The following SLC36A1 variants were observed in gnomAD, a reference collection of about 807,000 sequenced individuals.
The protein encoded by SLC36A1 is solute carrier family 36 member 1, also known as proton-coupled amino acid transporter 1.
Under a neutral mutation model 47.5 loss-of-function variants are expected in SLC36A1, and 30 were observed. The ratio of observed to expected loss-of-function variants is 0.63; its 90% CI spans 0.47 to 0.86. The LOEUF (loss-of-function observed/expected upper bound fraction) is 0.86, where lower values mean the gene tolerates loss of function less well. Ranked by LOEUF, SLC36A1 falls within the 40% of genes least tolerant of loss-of-function variation. SLC36A1 has a pLI of 0.00. For missense variants in SLC36A1, 517 were observed against 606.0 expected (o/e 0.85, Z 1.54); for synonymous variants, 255 against 249.7 (o/e 1.02, Z -0.20).
chr5:151,468,269 A>ATATATATATATATATATATATATTT (rs1756810591), intron 7 of SLC36A1, among the ~76,000 whole-genome samples: 3 of 81,628 alleles, frequency 3.7e-5, no homozygotes, highest in Non-Finnish European at 6.6e-5. Context: ...AAAAAAAAAT[A>ATATATATATATATATATATATATTT]TATATATATA....
chr5:151,399,640 T>G, the SLC36A1 span, among the ~76,000 whole-genome samples: 1 of 152,196 alleles, frequency 6.6e-6, no homozygotes, highest in Non-Finnish European at 1.5e-5. Context: ...AATTAAATAG[T>G]AATTTTAAAT....
the SLC36A1 span, chr5:151,534,313 C>A: frequency 1.1e-6 from 1 of 929,066 alleles, no homozygotes; most frequent in Non-Finnish European, 1.6e-6. Context: ...GAGGCACCGC[C>A]CTTACCAGTC....
chr5:151,510,050 A>G, the SLC36A1 span: 1 of 1,614,124 alleles, frequency 6.2e-7, no homozygotes, highest in South Asian at 1.1e-5. Flanking sequence ...GAGGGCAGTT[A>G]CAGGAAGCTC....
At chr5:151,546,523 G>A in the SLC36A1 span, among the ~76,000 whole-genome samples, 52 of 152,172 alleles carry the variant, frequency 3.4e-4, no homozygotes, top group Middle Eastern at 3.2e-3. Context: ...GGTGTGCATA[G>A]TAGGTGCTTC....
At chr5:151,492,950 A>G (rs7713901), downstream of SLC36A1, among the ~76,000 whole-genome samples, 14,949 of 152,172 alleles carry the variant, frequency 0.098, 2,411 homozygotes, top group African/African-American at 0.34. Context: ...TCATACGGTC[A>G]TGGGAGCCAG....
At chr5:151,421,880 G>T in the SLC36A1 span, among the ~76,000 whole-genome samples, 3 of 152,238 alleles carry the variant, frequency 2.0e-5, no homozygotes, top group Middle Eastern at 6.8e-3. Context: ...GTGAGCCACC[G>T]CGCCCGGCTG....
chr5:151,485,940 C>T (rs1581224515), intron 10 of SLC36A1, among the ~76,000 whole-genome samples: 1 of 152,136 alleles, frequency 6.6e-6, no homozygotes, highest in African/African-American at 2.4e-5. Flanking sequence ...AATAGCCGTC[C>T]GTGGCTATGT....
At chr5:151,554,702 G>A in the SLC36A1 span, 1 of 1,568,416 alleles carries the variant, frequency 6.4e-7, no homozygotes, top group East Asian at 2.2e-5. Flanking sequence ...ATGAGCACCT[G>A]AGCTGACAAT....
At chr5:151,426,650 A>T in the SLC36A1 span, among the ~76,000 whole-genome samples, 2 of 151,668 alleles carry the variant, frequency 1.3e-5, no homozygotes, top group East Asian at 3.9e-4. Flanking sequence ...TGAGCAGGAG[A>T]CAGATGCCTT....
At chr5:151,496,796 C>T (rs1187709436), downstream of SLC36A1, among the ~76,000 whole-genome samples, 2 of 152,170 alleles carry the variant, frequency 1.3e-5, no homozygotes, top group Non-Finnish European at 2.9e-5. Flanking sequence ...CCTAGGTGAT[C>T]CTTCCTGACA....
rs200362673 is a variant in SLC36A1, at chr5:151,473,770, T to C, written c.821T>C (p.Met274Thr). Residue 274 changes from methionine (M) to threonine (T), a missense_variant and splice_region_variant, in exon 8 of 11, where the codon ATG (methionine) becomes ACG (threonine). By Grantham distance (81) the Met-to-Thr change is moderately conservative (BLOSUM62 -1). Coordinates refer to ENST00000243389, the MANE Select transcript of SLC36A1 (RefSeq NM_078483.4). ...ATTTTTTCATTTGAAGGCATTGGAA[T>C]GGTAAGAGCTGCACTGTGATTTGGG... ...TAIFSFEGIGMVLPLENKMKD... is the reference protein window; with the variant it reads ...TAIFSFEGIGTVLPLENKMKD... 11 of 1,610,740 alleles carry C rather than the reference T, an allele frequency of 6.8e-6. No homozygotes were observed. Among genetic ancestry groups the C allele is most frequent in the Non-Finnish European group, 9.3e-6 (11 of 1,177,054 alleles).
chr5:151,376,597 T>A, the SLC36A1 span, among the ~76,000 whole-genome samples: 1 of 152,166 alleles, frequency 6.6e-6, no homozygotes, highest in Admixed American at 6.5e-5. Flanking sequence ...TTTTTATATA[T>A]CTCAGAATTA....
At chr5:151,477,021 C>G in intron 9 of SLC36A1, 1 of 580,288 alleles carries the variant, frequency 1.7e-6, no homozygotes, top group South Asian at 1.6e-5. Context: ...TCAGAAGGAC[C>G]GAGTATCTAG....
the SLC36A1 span, chr5:151,529,094 C>T: frequency 4.3e-6 from 5 of 1,167,620 alleles, no homozygotes; most frequent in East Asian, 2.3e-5. Flanking sequence ...CTAATCCATG[C>T]TCATAGATGG....
the SLC36A1 span, among the ~76,000 whole-genome samples, chr5:151,409,507 C>T: frequency 6.6e-6 from 1 of 152,178 alleles, no homozygotes; most frequent in Non-Finnish European, 1.5e-5. Context: ...TTGGTCTCCT[C>T]ACATGATTGA....
At chr5:151,475,365 A>G (rs1757903441) in intron 8 of SLC36A1, among the ~76,000 whole-genome samples, 1 of 152,228 alleles carries the variant, frequency 6.6e-6, no homozygotes, top group African/African-American at 2.4e-5. Flanking sequence ...CTTGTACACA[A>G]AGTTATTCTG....
At chr5:151,522,974 A>C in the SLC36A1 span, among the ~76,000 whole-genome samples, 2 of 152,264 alleles carry the variant, frequency 1.3e-5, no homozygotes, top group East Asian at 1.9e-4. Flanking sequence ...TTTTCCTTTC[A>C]TGTTTCACCA....
At chr5:151,461,872 T>C (rs1403777135) in intron 2 of SLC36A1, among the ~76,000 whole-genome samples, 1 of 152,158 alleles carries the variant, frequency 6.6e-6, no homozygotes, top group Non-Finnish European at 1.5e-5. Context: ...GAAGTATGCA[T>C]GAAGTACTTC....
At chr5:151,507,568 C>T in the SLC36A1 span, 14 of 1,613,662 alleles carry the variant, frequency 8.7e-6, no homozygotes, top group African/African-American at 2.7e-5. Flanking sequence ...TCGGGAGTGA[C>T]TAGGCAGTGT....
Sources: gnomAD v4.1 joint callset for allele counts (sites outside exome capture counted in the v4.1 genomes callset) on GRCh38, gnomAD v4.1.1 for gene constraint, MANE v1.5 for transcripts, NCBI Gene and HGNC (gene_info 2026-07-23, HGNC 2026-07-21) for gene names.